Variants in ECSIT observed in about 807,000 individuals in gnomAD.
ECSIT encodes evolutionarily conserved signaling intermediate in Toll pathway, mitochondrial.
In ECSIT, 29 loss-of-function variants were observed where a neutral mutation model predicts 36.8. The observed-to-expected ratio is 0.79, with a 90% CI of 0.59 to 1.08. The LOEUF (loss-of-function observed/expected upper bound fraction) is 1.08, where lower values mean the gene tolerates loss of function less well. Ranked by LOEUF, ECSIT falls within the 50% of genes least tolerant of loss-of-function variation. The pLI is 0.00. For synonymous variants in ECSIT, 231 were observed against 234.8 expected, an observed-to-expected ratio of 0.98 and a Z score of 0.15; for missense variants, 542 against 581.0, an observed-to-expected ratio of 0.93 and a Z score of 0.69.
At position 11,505,982 on chromosome 19, in the gene ECSIT, A is replaced by T; in HGVS notation, c.*202T>A. On this transcript the variant is annotated 3_prime_UTR_variant, in exon 8 of 8. Transcript: ENST00000270517. The stretch of plus-strand genomic sequence containing the variant: ...TTTTTATTTGAATTCGGAGAACCAG[A>T]GGCGCCTGCAGATTCTGGAGGGGTC... The T allele has an allele frequency of 2.0e-6, 2 of 975,964 alleles. No individual in the cohort carries two copies. The highest frequency in any genetic ancestry group is 3.0e-6 in the Non-Finnish European group (2 of 672,478). The allele number at this position is 975,964 out of a possible 1,614,324, so 60.5% of individuals were successfully genotyped here.
At chr19:11,514,324 G>T in intron 2 of ECSIT, 103 bp from the exon 3 acceptor site, 1 of 1,130,666 alleles carries the variant, frequency 8.8e-7, no homozygotes, top group Non-Finnish European at 1.2e-6. Flanking sequence ...CCTCCCTGAG[G>T]ACTCGGAGGT....
intron 4 of ECSIT, among the ~76,000 whole-genome samples, chr19:11,512,170 C>T (rs1380760489): frequency 6.6e-6 from 1 of 151,876 alleles, no homozygotes; most frequent in African/African-American, 2.4e-5. Context: ...CATGGTGGAA[C>T]CCCATTTCTA....
intron 2 of ECSIT, among the ~76,000 whole-genome samples, chr19:11,518,342 A>G (rs1972038194): frequency 6.6e-6 from 1 of 152,034 alleles, no homozygotes; most frequent in Admixed American, 6.6e-5. Context: ...CAGGAGAATC[A>G]CTTGAACCCA....
intron 3 of ECSIT, 149 bp downstream of exon 3, chr19:11,513,655 T>TGAGTGATGAAAA: frequency 1.1e-6 from 1 of 896,588 alleles, no homozygotes. Context: ...GAAAGAGAGA[T>TGAGTGATGAAAA]GAGTGATGAA....
chr19:11,507,966 G>A (rs754976317), intron 5 of ECSIT, 25 bp downstream of exon 5: 6 of 1,614,114 alleles, frequency 3.7e-6, no homozygotes, highest in Non-Finnish European at 4.2e-6. Flanking sequence ...TAGAGACTTG[G>A]CTGCCCCCAT....
rs774228011 is a variant in ECSIT, at chr19:11,507,548, C to G, written c.960G>C (p.Thr320=). ...LPPEEREVEE[T]PEEWNLYYPM... ...GGTAGTAGAGGTTCCACTCCTCCGG[C>G]GTCTCTTCCACTTCCTACTCCAAGG... Residue 320 remains threonine (T), a synonymous_variant, in exon 7 of 8, where the codon ACG becomes ACC. Coordinates refer to ENST00000270517, the MANE Select transcript of ECSIT (RefSeq NM_016581.5). 6.2e-7 allele frequency: 1 copy of G among 1,614,060 alleles called. No homozygotes were observed. The highest frequency in any genetic ancestry group is 1.1e-5 in the South Asian group (1 of 91,080).
intron 2 of ECSIT, among the ~76,000 whole-genome samples, chr19:11,515,381 C>T (rs779995000): frequency 1.6e-4 from 25 of 152,012 alleles, no homozygotes; most frequent in Non-Finnish European, 3.2e-4. Context: ...GGATTACAGG[C>T]ATGAGCCACC....
intron 3 of ECSIT, 43 bp from the exon 4 acceptor site, chr19:11,513,322 G>A: frequency 1.3e-6 from 2 of 1,513,700 alleles, no homozygotes; most frequent in Non-Finnish European, 9.2e-7. Flanking sequence ...GATGGAGGGG[G>A]AGGAGGGAAG....
In ECSIT at chr19:11,514,155, C is replaced by G. The variant is rs527966597; in HGVS notation, c.163G>C (p.Val55Leu). 6.2e-7 allele frequency: 1 copy of G among 1,613,568 alleles called. No homozygotes were observed. The highest frequency in any genetic ancestry group is 2.2e-5 in the East Asian group (1 of 44,862). The change falls in exon 3 of 8, where the codon GTT (valine) becomes CTT (leucine). Residue 55 changes from valine (V) to leucine (L), a missense_variant. By Grantham distance (32) the Val-to-Leu change is conservative. Coordinates refer to ENST00000270517, the MANE Select transcript of ECSIT (RefSeq NM_016581.5). Reference protein sequence around the residue: ...AAAHSSEQSLVPSPPEPRQRP... With the variant: ...AAAHSSEQSLLPSPPEPRQRP... ...TGCCGGGGTTCCGGTGGGCTGGGAA[C>G]CAGGGACTGTTCAGAGCTATGGGCA...
At chr19:11,506,817 G>A (rs1353592925) in intron 7 of ECSIT, among the ~76,000 whole-genome samples, 9 of 152,178 alleles carry the variant, frequency 5.9e-5, no homozygotes, top group Admixed American at 5.9e-4. Context: ...TTACAGGCGT[G>A]AGCCACTGTG....
chr19:11,513,612 G>T (rs528945957), intron 3 of ECSIT, among the ~76,000 whole-genome samples, 192 bp downstream of exon 3: 1 of 117,660 alleles, frequency 8.5e-6, no homozygotes, highest in South Asian at 3.7e-4. Flanking sequence ...GAGGGAGGGA[G>T]GGGGGAGGGG....
At chr19:11,528,965 G>A (rs555200117) in intron 1 of ECSIT, 97 bp downstream of exon 1, 2 of 152,418 alleles carry the variant, frequency 1.3e-5, no homozygotes, top group Non-Finnish European at 2.9e-5. Flanking sequence ...TGGCCCTGCA[G>A]CTGGGTCCCT....
Position 11,507,444 on chromosome 19 carries a change from G to A in ECSIT, c.1051+13C>T, listed in dbSNP as rs763033896. 29 of 1,608,876 alleles carry A rather than the reference G, an allele frequency of 1.8e-5. No individual in the cohort carries two copies. In the East Asian group the frequency reaches 6.5e-4, roughly 36 times the overall value. ...GCACACATGTGAGCCACCGCACCTGGCCCAGTTTTTACCTTCATTGATGTC... is the reference window on the plus strand; with the variant it reads ...GCACACATGTGAGCCACCGCACCTGACCCAGTTTTTACCTTCATTGATGTC... On this transcript the variant is annotated intron_variant, in intron 7 of 7. Coordinates refer to ENST00000270517, the MANE Select transcript of ECSIT (RefSeq NM_016581.5).
In ECSIT at chr19:11,519,472, G is replaced by A. The variant is rs907464722; in HGVS notation, c.-23-279C>T. Among the ~76,000 whole-genome samples the A allele has an allele frequency of 6.6e-6, 1 of 152,262 alleles. No individual in the cohort carries two copies. The highest frequency in any genetic ancestry group is 2.4e-5 in the African/African-American group (1 of 41,556). ...AGAGCGTCGAGAAGCTGGGACTACA[G>A]ACGCGTGCCACCATGCCCAGCTAAT... On this transcript the variant is annotated intron_variant, in intron 1 of 7. Coordinates refer to ENST00000270517, the MANE Select transcript of ECSIT (RefSeq NM_016581.5). The surrounding 1 kb of genome is among the most constrained non-coding windows in gnomAD (Gnocchi z 4.4).
chr19:11,529,072 G>C lies in ECSIT; in HGVS notation c.-34C>G, dbSNP rs1289377999. 6.6e-6 allele frequency: 1 copy of C among 152,400 alleles called. No individual in the cohort carries two copies. Among genetic ancestry groups the C allele is most frequent in the Non-Finnish European group, 1.5e-5 (1 of 68,144 alleles). The allele number at this position is 152,400 out of a possible 1,614,324, so 9.4% of individuals were successfully genotyped here. ...CCGCGCGCGACCTACCTACTCACGC[G>C]GCCAGCCGCGGACTCCAGGCCAGCT... On this transcript the variant is annotated 5_prime_UTR_variant, in exon 1 of 8. Coordinates refer to ENST00000270517, the MANE Select transcript of ECSIT (RefSeq NM_016581.5).
chr19:11,507,478 A>T lies in ECSIT; in HGVS notation c.1030T>A (p.Tyr344Asn). ...LEYVRSGWDN[Y>N]EFDINEVEEG... Reference sequence around the variant, plus strand: ...TTACCTTCATTGATGTCAAACTCGTAGTTGTCCCAGCCACTCCTCACATAC... The same window carrying T: ...TTACCTTCATTGATGTCAAACTCGTTGTTGTCCCAGCCACTCCTCACATAC... The change falls in exon 7 of 8, where the codon TAC (tyrosine) becomes AAC (asparagine). Residue 344 changes from tyrosine to asparagine, a missense_variant. By Grantham distance (143) the Tyr-to-Asn change is moderately radical. Transcript: ENST00000270517. 1 of 1,613,842 alleles carries T rather than the reference A, an allele frequency of 6.2e-7. No homozygotes were observed.
chr19:11,522,055 A>G, intron 1 of ECSIT: 1 of 325,010 alleles, frequency 3.1e-6, no homozygotes, highest in East Asian at 7.9e-5. Context: ...CCTCTACCAC[A>G]TGCGAATCTT....
At chr19:11,522,063 CTT>C (rs1201223632) in intron 1 of ECSIT, 1 of 336,700 alleles carries the variant, frequency 3.0e-6, no homozygotes, top group African/African-American at 2.2e-5. Context: ...ACATGCGAAT[CTT>C]TGCACCTGAT....
Position 11,526,594 on chromosome 19 carries a change from C to T in ECSIT, c.-24+2468G>A, listed in dbSNP as rs117699221. Among the ~76,000 whole-genome samples, 604 of 152,254 alleles carry T rather than the reference C, an allele frequency of 4.0e-3. 23 individuals carry two copies. The East Asian group carries it at 0.11, about 27-fold the overall frequency. ...CTAGTCTAGGTGACTACTTCCAAAT[C>T]CATCCCAAATGCATCTCTTTCTATC... is the stretch of plus-strand genomic sequence containing the variant. On this transcript the variant is annotated intron_variant, in intron 1 of 7. Transcript: ENST00000270517.
Sources: allele counts gnomAD v4.1 joint callset (sites outside exome capture counted in the v4.1 genomes callset), GRCh38; gene constraint gnomAD v4.1.1; non-coding constraint Gnocchi (gnomAD v3.1); transcripts MANE v1.5; gene names NCBI Gene and HGNC (gene_info 2026-07-23, HGNC 2026-07-21).